Variants in UFL1 observed in about 807,000 individuals in gnomAD.
The protein encoded by UFL1 is E3 UFM1-protein ligase 1.
A neutral mutation model predicts 99.3 loss-of-function variants in UFL1; 78 were observed. The observed-to-expected ratio is 0.79, with a 90% CI of 0.65 to 0.95. The LOEUF (loss-of-function observed/expected upper bound fraction) is 0.95. Ranked by LOEUF, UFL1 falls within the 40% of genes least tolerant of loss-of-function variation. The pLI is 0.00. For missense variants in UFL1, 936 were observed against 937.0 expected (o/e 1.00, Z 0.01); for synonymous variants, 335 against 322.2 (o/e 1.04, Z -0.42).
rs558316101 is a variant in UFL1 at position 96,549,948 on chromosome 6, G to A, written c.1818+149G>A. ...TCTAAAAGTTTTTTATTCAACTTTA[G>A]TACTATATATACAGTTGCTAGCAGG... On this transcript the variant is annotated intron_variant, in intron 15 of 18. Coordinates refer to ENST00000369278, the MANE Select transcript of UFL1 (RefSeq NM_015323.5). 78 of 1,026,894 alleles carry A rather than the reference G, an allele frequency of 7.6e-5. No homozygotes were observed. In the East Asian group the frequency reaches 2.0e-3, roughly 26 times the overall value. The allele number at this position is 1,026,894 out of a possible 1,614,324, so 63.6% of individuals were successfully genotyped here. A position where few individuals can be genotyped will look rare whatever the true frequency, so the allele number is the denominator to read the frequency against.
chr6:96,553,216 G>A (rs756006763), intron 18 of UFL1, 69 bp from the exon 19 acceptor site: 486 of 1,466,430 alleles, frequency 3.3e-4, no homozygotes, highest in Non-Finnish European at 4.0e-4. Flanking sequence ...ATTAGTTGAA[G>A]AAATTCTACT....
At chr6:96,551,751 G>C in intron 16 of UFL1, 87 bp from the exon 17 acceptor site, 1 of 945,402 alleles carries the variant, frequency 1.1e-6, no homozygotes, top group Non-Finnish European at 1.6e-6. Context: ...TATTTGGGAT[G>C]TAAAATTACA....
intron 13 of UFL1, among the ~76,000 whole-genome samples, chr6:96,548,939 G>T (rs1237481572): frequency 6.6e-6 from 1 of 151,382 alleles, no homozygotes; most frequent in Non-Finnish European, 1.5e-5. Flanking sequence ...AATATTTTTT[G>T]TGCATAAATG....
Position 96,549,469 on chromosome 6 carries a change from T to G in UFL1, c.1578T>G (p.Thr526=). The change falls in exon 14 of 19, where the codon ACT becomes ACG. Residue 526 remains threonine, a synonymous_variant. Transcript: ENST00000369278. ...GTTCAGTATTCATGTCTTCAACAAC[T>G]TCTGCTTCTGGGACGGGCAGAAAAC... ...VVRSVFMSST[T]SASGTGRKRT... The G allele has an allele frequency of 6.3e-7, 1 of 1,596,292 alleles. No individual in the cohort carries two copies. The highest frequency in any genetic ancestry group is 8.5e-7 in the Non-Finnish European group (1 of 1,175,058).
rs745331696 is a variant in UFL1, at chr6:96,549,388, T to G, written c.1521-24T>G. 1.3e-5 allele frequency: 21 copies of G among 1,557,354 alleles called. No homozygotes were observed. The East Asian group carries it at 4.6e-4, about 34-fold the overall frequency. On this transcript the variant is annotated intron_variant, in intron 13 of 18. Coordinates refer to ENST00000369278, the MANE Select transcript of UFL1 (RefSeq NM_015323.5). ...AAATACTCAGTACATTTTAATAAAC[T>G]AAATATATTTGTCTTATGCACAGAC...
In UFL1 at chr6:96,554,371, GC is replaced by G. The variant is rs1770125724; in HGVS notation, c.*870del. On this transcript the variant is annotated 3_prime_UTR_variant, in exon 19 of 19. Transcript: ENST00000369278. ...TACTAGTGTGAAAAACAGATAGGAT[GC>G]CTTTTCCAGTGGTAGGAGCATCTGT... The G allele has an allele frequency of 1.3e-5, 2 of 152,090 alleles. No homozygotes were observed. Among genetic ancestry groups the G allele is most frequent in the South Asian group, 4.1e-4 (2 of 4,832 alleles). 9.4% of individuals were successfully genotyped at this position (152,090 alleles called of 1,614,324 possible). A position where few individuals can be genotyped will look rare whatever the true frequency, so the allele number is the denominator to read the frequency against.
intron 12 of UFL1, 114 bp from the exon 13 acceptor site, chr6:96,548,050 T>G: frequency 1.5e-6 from 1 of 666,914 alleles, no homozygotes; most frequent in Non-Finnish European, 2.5e-6. Context: ...ACATTAACAA[T>G]TGAGTAATGA....
At chr6:96,528,460 C>T (rs779354107) in intron 5 of UFL1, 42 bp from the exon 6 acceptor site, 1 of 1,596,878 alleles carries the variant, frequency 6.3e-7, no homozygotes, top group East Asian at 2.2e-5. Context: ...ATGTGTAATT[C>T]TTTTCTTTTA....
chr6:96,542,129 T>C (rs1395573616), intron 11 of UFL1, among the ~76,000 whole-genome samples: 1 of 151,354 alleles, frequency 6.6e-6, no homozygotes, highest in African/African-American at 2.4e-5. Flanking sequence ...TTCCATTTTG[T>C]AGAGTAGATA....
In UFL1 at chr6:96,549,547, G is replaced by T. The variant is rs750098759; in HGVS notation, c.1656G>T (p.Arg552Ser). 1 of 1,595,550 alleles carries T rather than the reference G, an allele frequency of 6.3e-7. No homozygotes were observed. Residue 552 changes from arginine to serine, a missense_variant, in exon 14 of 19, where the codon AGG becomes AGT. Coordinates refer to ENST00000369278, the MANE Select transcript of UFL1 (RefSeq NM_015323.5). ...EEVSNLYNNI[R>S]LFEKGMKFFA... The stretch of plus-strand genomic sequence containing the variant: ...TTTCAAACCTGTACAATAACATTAG[G>T]TTATTTGAAAAAGGGATGAAGTTTT...
At position 96,525,402 on chromosome 6, in the gene UFL1, C is replaced by T. The variant is rs538218224; in HGVS notation, c.350+8C>T. ...GGGACAACTGATAGATGAGTAAGTA[C>T]AATAAAGTACAAATTTAAGAGCACT... On this transcript the variant is annotated splice_region_variant and intron_variant, in intron 4 of 18. Transcript: ENST00000369278. 5.1e-6 allele frequency: 8 copies of T among 1,568,188 alleles called. No homozygotes were observed. The highest frequency in any genetic ancestry group is 1.2e-5 in the South Asian group (1 of 85,434).
chr6:96,532,254 T>C (rs1230078567), intron 6 of UFL1, among the ~76,000 whole-genome samples: 2 of 152,198 alleles, frequency 1.3e-5, no homozygotes, highest in East Asian at 3.9e-4. Flanking sequence ...ATGAAGTCCT[T>C]CAAGGAGCCT....
Position 96,549,425 on chromosome 6 carries a change from A to C in UFL1, c.1534A>C (p.Thr512Pro). ...AEYLIKPLNK[T>P]YLEVVRSVFM... ...TCTTATGCACAGACCTCTTAATAAA[A>C]CTTATCTCGAGGTGGTACGTTCAGT... is the stretch of plus-strand genomic sequence containing the variant. The change falls in exon 14 of 19, where the codon ACT becomes CCT. Residue 512 changes from threonine to proline, a missense_variant. Thr to Pro is a conservative substitution (Grantham distance 38). Transcript: ENST00000369278. 1 of 1,595,666 alleles carries C rather than the reference A, an allele frequency of 6.3e-7. No homozygotes were observed. Among genetic ancestry groups the C allele is most frequent in the Non-Finnish European group, 8.5e-7 (1 of 1,174,822 alleles).
chr6:96,536,180 T>C, intron 7 of UFL1, 64 bp from the exon 8 acceptor site: 1 of 1,428,766 alleles, frequency 7.0e-7, no homozygotes, highest in South Asian at 1.5e-5. Context: ...AATAATAAAG[T>C]ATTTTACTTT....
At chr6:96,534,535 G>GA (rs995244263) in intron 7 of UFL1, among the ~76,000 whole-genome samples, 10 of 148,270 alleles carry the variant, frequency 6.7e-5, no homozygotes, top group East Asian at 2.0e-4. Context: ...GGAGTATAAT[G>GA]AAAAAAAAAG....
chr6:96,534,403 T>G (rs1420021345), intron 7 of UFL1, 82 bp downstream of exon 7: 1 of 1,127,364 alleles, frequency 8.9e-7, no homozygotes, highest in African/African-American at 1.6e-5. Context: ...TAATGTTTTT[T>G]CCTCTTTTAT....
intron 6 of UFL1, among the ~76,000 whole-genome samples, chr6:96,533,799 CAAAAAAA>C (rs5878435): frequency 4.4e-5 from 5 of 113,768 alleles, no homozygotes; most frequent in African/African-American, 1.7e-4. Flanking sequence ...TACTCAAAAG[CAAAAAAA>C]AAAAAAAAAA....
At chr6:96,531,379 C>G (rs1212213839) in intron 6 of UFL1, among the ~76,000 whole-genome samples, 4 of 152,188 alleles carry the variant, frequency 2.6e-5, no homozygotes, top group Admixed American at 2.6e-4. Context: ...TCCTTCTTTT[C>G]CATGTTTGTA....
intron 6 of UFL1, among the ~76,000 whole-genome samples, chr6:96,533,218 AC>A (rs1008750377): frequency 4.6e-5 from 7 of 152,020 alleles, no homozygotes; most frequent in African/African-American, 1.7e-4. Flanking sequence ...AAAAAAAAAA[AC>A]TATAGTTATT....
Sources: allele counts gnomAD v4.1 joint callset (sites outside exome capture counted in the v4.1 genomes callset), GRCh38; gene constraint gnomAD v4.1.1; transcripts MANE v1.5; gene names NCBI Gene and HGNC (gene_info 2026-07-23, HGNC 2026-07-21).